The following EFR3A variants were observed in gnomAD, a reference collection of about 807,000 sequenced individuals.
The protein encoded by EFR3A is protein EFR3 homolog A.
Under a neutral mutation model 104.4 loss-of-function variants are expected in EFR3A, and 76 were observed. The observed-to-expected ratio is 0.73, with a 90% CI of 0.60 to 0.88. The LOEUF (loss-of-function observed/expected upper bound fraction) is 0.88. Among genes scored for constraint, EFR3A ranks in the 40% least tolerant of loss-of-function variants. The pLI is 0.00. For missense variants in EFR3A, 985 were observed against 1,012.5 expected (o/e 0.97, Z 0.37); for synonymous variants, 330 against 330.0 (o/e 1.00, Z 0.00).
At chr8:131,949,929 TGAA>T in intron 4 of EFR3A, 37 bp from the exon 5 acceptor site, 3 of 1,518,054 alleles carry the variant, frequency 2.0e-6, no homozygotes, top group South Asian at 1.3e-5. Context: ...TTCACACTTC[TGAA>T]GAAGGTGAAG....
chr8:131,962,712 A>G (rs984875410), intron 8 of EFR3A, among the ~76,000 whole-genome samples: 2 of 152,222 alleles, frequency 1.3e-5, no homozygotes, highest in African/African-American at 4.8e-5. Context: ...CTCTGCACCA[A>G]GTGGACCTAA....
At chr8:131,957,346 G>C (rs752767582) in intron 7 of EFR3A, among the ~76,000 whole-genome samples, 1 of 146,164 alleles carries the variant, frequency 6.8e-6, no homozygotes, top group Non-Finnish European at 1.5e-5. Context: ...TTTAGGGCCA[G>C]GGTCTTTTTT....
intron 18 of EFR3A, among the ~76,000 whole-genome samples, chr8:131,994,134 T>A (rs1821357178): frequency 6.6e-6 from 1 of 152,048 alleles, no homozygotes; most frequent in African/African-American, 2.4e-5. Flanking sequence ...TCCTGACTAC[T>A]CGGGAGGCTA....
In EFR3A at chr8:131,928,531, CAT is replaced by C. The variant is rs371362128; in HGVS notation, c.11-11966_11-11965del. Among the ~76,000 whole-genome samples, 99 of 152,196 alleles carry C rather than the reference CAT, an allele frequency of 6.5e-4. 1 individual carries two copies. The South Asian group carries it at 0.02, about 31-fold the overall frequency. On this transcript the variant is annotated intron_variant, in intron 1 of 22. Coordinates refer to ENST00000254624, the MANE Select transcript of EFR3A (RefSeq NM_015137.6). ...AAGTAGCAATAAATTAGTAAATCCT[CAT>C]AAAGGAAATTTCTTATTACCTAAAT...
Position 131,977,058 on chromosome 8 carries a change from G to T in EFR3A, c.1292G>T (p.Arg431Ile). Reference sequence around the variant, plus strand: ...TATTTTAGGGATTTGGGAACCAGGAGAATTCAGATAATGTTGCTGAGATCT... The same window carrying T: ...TATTTTAGGGATTTGGGAACCAGGATAATTCAGATAATGTTGCTGAGATCT... ...ISQLGDLGTR[R>I]IQIMLLRSLL... The change falls in exon 12 of 23, where the codon AGA becomes ATA. Residue 431 changes from arginine to isoleucine, a missense_variant. Coordinates refer to ENST00000254624, the MANE Select transcript of EFR3A (RefSeq NM_015137.6). 2 of 1,602,056 alleles carry T rather than the reference G, an allele frequency of 1.2e-6. No individual in the cohort carries two copies. Among genetic ancestry groups the T allele is most frequent in the East Asian group, 2.3e-5 (1 of 44,360 alleles).
At chr8:132,008,846 CAA>C (rs55964352) in intron 22 of EFR3A, among the ~76,000 whole-genome samples, 4 of 32,168 alleles carry the variant, frequency 1.2e-4, no homozygotes, top group South Asian at 1.6e-3. Flanking sequence ...AACTCCATCT[CAA>C]AAAAAAAAAA....
intron 7 of EFR3A, 73 bp downstream of exon 7, chr8:131,955,978 A>G (rs2130630110): frequency 6.5e-7 from 1 of 1,546,690 alleles, no homozygotes. Flanking sequence ...TTTATAGAGG[A>G]CAACTACTTT....
chr8:132,002,352 G>A (rs1821824421), intron 20 of EFR3A, among the ~76,000 whole-genome samples: 2 of 152,144 alleles, frequency 1.3e-5, no homozygotes, highest in African/African-American at 2.4e-5. Flanking sequence ...GAGAGACAAA[G>A]GCATTCTGTG....
In EFR3A at chr8:132,011,799, A is replaced by G. The variant is rs1822358258; in HGVS notation, c.*904A>G. 1 of 152,322 alleles carries G rather than the reference A, an allele frequency of 6.6e-6. No homozygotes were observed. Among genetic ancestry groups the G allele is most frequent in the Non-Finnish European group, 1.5e-5 (1 of 68,018 alleles). The allele number at this position is 152,322 out of a possible 1,614,324, so 9.4% of individuals were successfully genotyped here. ...TTTGATTTCTATTAAGAGCACATTT[A>G]TTTACATTTGTATATTATTTTAAAT... On this transcript the variant is annotated 3_prime_UTR_variant, in exon 23 of 23. Coordinates refer to ENST00000254624, the MANE Select transcript of EFR3A (RefSeq NM_015137.6).
intron 1 of EFR3A, among the ~76,000 whole-genome samples, chr8:131,904,867 C>T (rs1188091714): frequency 3.3e-5 from 5 of 152,158 alleles, no homozygotes; most frequent in Non-Finnish European, 7.3e-5. Flanking sequence ...GCTTTTGGAC[C>T]ACACTTCGGA....
intron 4 of EFR3A, among the ~76,000 whole-genome samples, chr8:131,948,622 A>AG (rs1234904028): frequency 6.6e-6 from 1 of 152,120 alleles, no homozygotes; most frequent in African/African-American, 2.4e-5. Flanking sequence ...CTTACTAGCT[A>AG]GGGGGAGAAT....
chr8:131,993,118 A>G (rs941965456), intron 18 of EFR3A, among the ~76,000 whole-genome samples: 4 of 152,200 alleles, frequency 2.6e-5, no homozygotes, highest in Non-Finnish European at 5.9e-5. Flanking sequence ...ACATCTTATA[A>G]TACAAGGGAC....
At chr8:132,007,103 A>G (rs776254604) in intron 22 of EFR3A, among the ~76,000 whole-genome samples, 2 of 151,888 alleles carry the variant, frequency 1.3e-5, no homozygotes, top group African/African-American at 2.4e-5. Flanking sequence ...AAGGATGTCT[A>G]CTCTCACCAT....
intron 10 of EFR3A, among the ~76,000 whole-genome samples, chr8:131,973,957 A>T (rs553599626): frequency 2.0e-5 from 3 of 152,330 alleles, no homozygotes; most frequent in African/African-American, 7.2e-5. Flanking sequence ...CTTTCCTACT[A>T]TTATTATTTT....
In EFR3A at chr8:132,011,205, GT is replaced by G. The variant is rs1252228922; in HGVS notation, c.*316del. 6 of 1,024,748 alleles carry G rather than the reference GT, an allele frequency of 5.9e-6. No homozygotes were observed. In the Admixed American group the frequency reaches 3.2e-4, roughly 54 times the overall value. The allele number at this position is 1,024,748 out of a possible 1,614,324, so 63.5% of individuals were successfully genotyped here. ...GTTTTAAACTTTTCACAAATGTAAT[GT>G]TTTTTAAAAAGTAAGCCTTCAGAGG... On this transcript the variant is annotated 3_prime_UTR_variant, in exon 23 of 23. Transcript: ENST00000254624.
At chr8:131,990,540 G>C (rs1821122845) in intron 18 of EFR3A, among the ~76,000 whole-genome samples, 1 of 152,184 alleles carries the variant, frequency 6.6e-6, no homozygotes, top group Non-Finnish European at 1.5e-5. Flanking sequence ...AGTGGAGTTA[G>C]GAATTGTAAA....
intron 18 of EFR3A, among the ~76,000 whole-genome samples, chr8:131,993,025 A>G (rs1821276590): frequency 6.6e-6 from 1 of 152,066 alleles, no homozygotes; most frequent in East Asian, 1.9e-4. Context: ...TCTTGGGGAA[A>G]TTTTTAGTTG....
At chr8:131,950,313 C>T (rs1818635549) in intron 5 of EFR3A, among the ~76,000 whole-genome samples, 1 of 152,076 alleles carries the variant, frequency 6.6e-6, no homozygotes, top group African/African-American at 2.4e-5. Context: ...TCTTCATGCC[C>T]TGCTTACTCT....
chr8:131,904,682 G>T (rs1816151460), intron 1 of EFR3A, among the ~76,000 whole-genome samples: 1 of 152,212 alleles, frequency 6.6e-6, no homozygotes, highest in Non-Finnish European at 1.5e-5. Context: ...CGGTACCATT[G>T]TCAGTCCCTT....
Sources: gnomAD v4.1 joint callset for allele counts (sites outside exome capture counted in the v4.1 genomes callset) on GRCh38, gnomAD v4.1.1 for gene constraint, MANE v1.5 for transcripts, NCBI Gene and HGNC (gene_info 2026-07-23, HGNC 2026-07-21) for gene names.